Variants in MCL1 observed in about 807,000 individuals in gnomAD.
MCL1 encodes MCL1 apoptosis regulator, BCL2 family member.
MCL1 carries 4 observed loss-of-function variants against 24.2 expected under a neutral mutation model. The ratio of observed to expected loss-of-function variants is 0.17; its 90% CI spans 0.08 to 0.38. The LOEUF (loss-of-function observed/expected upper bound fraction) is 0.38. MCL1 is among the 10% of genes least tolerant of loss of function. The pLI is 1.00. For synonymous variants in MCL1, 248 were observed against 214.0 expected, an observed-to-expected ratio of 1.16 and a Z score of -1.39; for missense variants, 529 against 480.3, an observed-to-expected ratio of 1.10 and a Z score of -0.95.
chr1:150,579,067 C>T lies in MCL1; in HGVS notation c.464G>A (p.Ser155Asn), dbSNP rs147383002. 4.3e-6 allele frequency: 7 copies of T among 1,613,150 alleles called. No homozygotes were observed. In the South Asian group the frequency reaches 4.4e-5, roughly 10 times the overall value. ...ELVGESGNNT[S>N]TDGSLPSTPP... ...CGTCGAGGGTAGTGACCCGTCCGTA[C>T]TGGTGTTATTACCAGATTCCCCGAC... The change falls in exon 1 of 3, where the codon AGT (serine) becomes AAT (asparagine). Residue 155 changes from serine to asparagine, a missense_variant. Coordinates refer to ENST00000369026, the MANE Select transcript of MCL1 (RefSeq NM_021960.5).
At position 150,579,436 on chromosome 1, in the gene MCL1, C is replaced by T. The variant is rs770152297; in HGVS notation, c.95G>A (p.Gly32Glu). The T allele has an allele frequency of 6.3e-7, 1 of 1,587,952 alleles. No homozygotes were observed. The highest frequency in any genetic ancestry group is 1.4e-5 in the African/African-American group (1 of 71,940). Reference sequence around the variant, plus strand: ...CTTCTCCGTAGCCAAAAGTCGCCCTCCCGGGCGGGTGGCGCCGCCGCTGCC... The same window carrying T: ...CTTCTCCGTAGCCAAAAGTCGCCCTTCCGGGCGGGTGGCGCCGCCGCTGCC... ...GAGSGGATRP[G>E]GRLLATEKEA... is the part of the protein sequence containing the mutation. Residue 32 changes from glycine (G) to glutamate (E), a missense_variant, in exon 1 of 3, where the codon GGA (glycine) becomes GAA (glutamate). Coordinates refer to ENST00000369026, the MANE Select transcript of MCL1 (RefSeq NM_021960.5).
At chr1:150,578,117 G>A (rs892701056) in intron 2 of MCL1, 127 bp downstream of exon 2, 2 of 990,166 alleles carry the variant, frequency 2.0e-6, no homozygotes, top group East Asian at 2.4e-5. Context: ...AATAAACAAT[G>A]GTCCTTTAGT....
At chr1:150,577,629 G>C (rs1391493706) in intron 2 of MCL1, 138 bp from the exon 3 acceptor site, 4 of 925,556 alleles carry the variant, frequency 4.3e-6, no homozygotes, top group South Asian at 4.1e-5. Flanking sequence ...TATTCACCCC[G>C]GGGCAAAAAA....
rs1314588912 is a variant in MCL1, at chr1:150,577,633, CA to C, written c.937-143del. The stretch of plus-strand genomic sequence containing the variant: ...AAACCAATTATTATTCACCCCGGGG[CA>C]AAAAAAGAAAATAAGTTCTTCAGTT... On this transcript the variant is annotated intron_variant, in intron 2 of 2. Coordinates refer to ENST00000369026, the MANE Select transcript of MCL1 (RefSeq NM_021960.5). The C allele has an allele frequency of 3.0e-5, 26 of 878,842 alleles. No individual in the cohort carries two copies. In the East Asian group the frequency reaches 6.0e-4, roughly 20 times the overall value. 54.4% of individuals were successfully genotyped at this position (878,842 alleles called of 1,614,324 possible).
At position 150,577,130 on chromosome 1, in the gene MCL1, CCAAA is replaced by C. The variant is rs775595778; in HGVS notation, c.*241_*244del. 8.1e-5 allele frequency: 35 copies of C among 431,298 alleles called. No homozygotes were observed. The highest frequency in any genetic ancestry group is 2.8e-4 in the African/African-American group (14 of 50,376). 26.7% of individuals were successfully genotyped at this position (431,298 alleles called of 1,614,324 possible). On this transcript the variant is annotated 3_prime_UTR_variant, in exon 3 of 3. Coordinates refer to ENST00000369026, the MANE Select transcript of MCL1 (RefSeq NM_021960.5). ...TCTAAAAGTCCTCCTCCATAGCTTCCCAAACAAAGTTTGTTTGTTGCTGAAACTG... is the reference window on the plus strand; with the variant it reads ...TCTAAAAGTCCTCCTCCATAGCTTCCCAAAGTTTGTTTGTTGCTGAAACTG...
Position 150,577,173 on chromosome 1 carries a change from T to G in MCL1, c.*202A>C. 1.7e-6 allele frequency: 1 copy of G among 583,078 alleles called. No homozygotes were observed. The highest frequency in any genetic ancestry group is 2.9e-6 in the Non-Finnish European group (1 of 349,400). 36.1% of individuals were successfully genotyped at this position (583,078 alleles called of 1,614,324 possible). A position where few individuals can be genotyped will look rare whatever the true frequency, so the allele number is the denominator to read the frequency against. On this transcript the variant is annotated 3_prime_UTR_variant, in exon 3 of 3. Transcript: ENST00000369026. ...TTGCTGAAACTGAACTTTGCTTCTT[T>G]CAGACAGTGACTCTTCAATCAATGG...
In MCL1 at chr1:150,577,290, G is replaced by C; in HGVS notation, c.*85C>G. 1 of 1,546,202 alleles carries C rather than the reference G, an allele frequency of 6.5e-7. No homozygotes were observed. Among genetic ancestry groups the C allele is most frequent in the African/African-American group, 1.4e-5 (1 of 73,002 alleles). ...GGTTGCTAGGGTGCAACTCTAGGAA[G>C]TTACAGCTTGGAGTCCAACTGCATA... On this transcript the variant is annotated 3_prime_UTR_variant, in exon 3 of 3. Coordinates refer to ENST00000369026, the MANE Select transcript of MCL1 (RefSeq NM_021960.5).
intron 1 of MCL1, 125 bp downstream of exon 1, chr1:150,578,718 C>A: frequency 8.7e-7 from 1 of 1,143,380 alleles, no homozygotes; most frequent in Non-Finnish European, 1.2e-6. Context: ...ATTCTGGCTT[C>A]AGGAATAGGA....
chr1:150,577,540 T>C (rs1474928350), intron 2 of MCL1, 49 bp from the exon 3 acceptor site: 52 of 1,415,226 alleles, frequency 3.7e-5, no homozygotes, highest in Non-Finnish European at 4.8e-5. Context: ...GTTTCTGCTC[T>C]CTTACAACAC....
Position 150,579,603 on chromosome 1 carries a change from T to C in MCL1, c.-73A>G, listed in dbSNP as rs1365711085. The C allele has an allele frequency of 6.8e-7, 1 of 1,467,632 alleles. No homozygotes were observed. Among genetic ancestry groups the C allele is most frequent in the Non-Finnish European group, 9.3e-7 (1 of 1,080,476 alleles). The allele number at this position is 1,467,632 out of a possible 1,614,324, so 90.9% of individuals were successfully genotyped here. On this transcript the variant is annotated 5_prime_UTR_variant, in exon 1 of 3. Coordinates refer to ENST00000369026, the MANE Select transcript of MCL1 (RefSeq NM_021960.5). ...ACTCCTTACTGGAAGGAAGCGGAAG[T>C]GAGAAGTGGCGAGCAGCTCCTTTAT...
Position 150,579,359 on chromosome 1 carries a change from C to G in MCL1, c.172G>C (p.Gly58Arg). The G allele has an allele frequency of 6.7e-7, 1 of 1,483,810 alleles. No homozygotes were observed. The allele number at this position is 1,483,810 out of a possible 1,614,324, so 91.9% of individuals were successfully genotyped here. Residue 58 changes from glycine (G) to arginine (R), a missense_variant, in exon 1 of 3, where the codon GGC becomes CGC. Physicochemically the swap from Gly to Arg is moderately radical, Grantham distance 125. Coordinates refer to ENST00000369026, the MANE Select transcript of MCL1 (RefSeq NM_021960.5). ...GGGGGGCTTGCGCCGGCGCTTCCGC[C>G]AATCACCGCGCCGGCCTCCCCTCCC... is the stretch of plus-strand genomic sequence containing the variant. ...IGGGEAGAVI[G>R]GSAGASPPST...
At chr1:150,578,192 C>A in intron 2 of MCL1, 52 bp downstream of exon 2, 1 of 1,572,438 alleles carries the variant, frequency 6.4e-7, no homozygotes, top group South Asian at 1.2e-5. Flanking sequence ...TAAAAAAAAT[C>A]CTTCATTCTA....
At position 150,579,470 on chromosome 1, in the gene MCL1, A is replaced by C. The variant is rs755515463; in HGVS notation, c.61T>G (p.Leu21Val). ...GTGGCGCCGCCGCTGCCGGCCCCCA[A>C]GCCGGCCCCCCCACAGTAGAGGTTG... ...GLNLYCGGAG[L>V]GAGSGGATRP... The change falls in exon 1 of 3, where the codon TTG (leucine) becomes GTG (valine). Residue 21 changes from leucine (L) to valine (V), a missense_variant. By Grantham distance (32) the Leu-to-Val change is conservative. Transcript: ENST00000369026. 2 of 1,592,746 alleles carry C rather than the reference A, an allele frequency of 1.3e-6. No individual in the cohort carries two copies. The highest frequency in any genetic ancestry group is 1.4e-5 in the African/African-American group (1 of 71,920).
rs747253423 is a variant in MCL1, at chr1:150,579,024, C to T, written c.507G>A (p.Glu169=). The T allele has an allele frequency of 1.2e-6, 2 of 1,613,652 alleles. No homozygotes were observed. Among genetic ancestry groups the T allele is most frequent in the East Asian group, 2.2e-5 (1 of 44,882 alleles). Residue 169 remains glutamate, a synonymous_variant, in exon 1 of 3, where the codon GAG becomes GAA. Coordinates refer to ENST00000369026, the MANE Select transcript of MCL1 (RefSeq NM_021960.5). ...ACTGCCGGTACAACTCGTCCTCCTC[C>T]TCCTCTGCTGGCGGCGGCGTCGAGG... ...SLPSTPPPAE[E]EEDELYRQSL...
At chr1:150,578,209 C>G in intron 2 of MCL1, 35 bp downstream of exon 2, 1 of 1,596,096 alleles carries the variant, frequency 6.3e-7, no homozygotes, top group Non-Finnish European at 8.5e-7. Flanking sequence ...TCTACTTCCA[C>G]TCCAAGGCCC....
Position 150,576,188 on chromosome 1 carries a change from T to C in MCL1, c.*1187A>G, listed in dbSNP as rs139951222. On this transcript the variant is annotated 3_prime_UTR_variant, in exon 3 of 3. Transcript: ENST00000369026. ...TTCCATTCAGCTGAAAATCTTTTAGTAAAAGCTTTAAAGATGAGCCCATGA... is the reference window on the plus strand; with the variant it reads ...TTCCATTCAGCTGAAAATCTTTTAGCAAAAGCTTTAAAGATGAGCCCATGA... 199 of 233,272 alleles carry C rather than the reference T, an allele frequency of 8.5e-4. No homozygotes were observed. The Middle Eastern group carries it at 0.01, about 12-fold the overall frequency. The allele number at this position is 233,272 out of a possible 1,614,324, so 14.5% of individuals were successfully genotyped here.
chr1:150,578,746 C>T (rs765755369), intron 1 of MCL1, 97 bp downstream of exon 1: 10 of 1,325,368 alleles, frequency 7.5e-6, no homozygotes, highest in African/African-American at 1.5e-5. Context: ...CGTTTCAACA[C>T]TGACTCGTTT....
chr1:150,578,775 T>A, intron 1 of MCL1, 68 bp downstream of exon 1: 1 of 1,509,908 alleles, frequency 6.6e-7, no homozygotes, highest in Non-Finnish European at 9.0e-7. Flanking sequence ...AACCCACCCT[T>A]GGCGGGTGAG....
chr1:150,574,773 G>A lies in MCL1; in HGVS notation c.*2602C>T. On this transcript the variant is annotated 3_prime_UTR_variant, in exon 3 of 3. Transcript: ENST00000369026. Reference sequence around the variant, plus strand: ...ATGTTTTTCCCTGAGAGAAGCGTAAGACAAACAGAAGTCAAAAAGTAGTCA... The same window carrying A: ...ATGTTTTTCCCTGAGAGAAGCGTAAAACAAACAGAAGTCAAAAAGTAGTCA... 1 of 233,268 alleles carries A rather than the reference G, an allele frequency of 4.3e-6. No individual in the cohort carries two copies. The allele number at this position is 233,268 out of a possible 1,614,324, so 14.4% of individuals were successfully genotyped here.
Sources: gnomAD v4.1 joint callset for allele counts on GRCh38, gnomAD v4.1.1 for gene constraint, MANE v1.5 for transcripts, NCBI Gene and HGNC (gene_info 2026-07-23, HGNC 2026-07-21) for gene names.